Variants in PTPRQ observed in about 807,000 individuals in gnomAD.
PTPRQ encodes protein tyrosine phosphatase receptor type Q.
PTPRQ carries 199 observed loss-of-function variants against 246.0 expected under a neutral mutation model. The ratio of observed to expected loss-of-function variants is 0.81; its 90% confidence interval spans 0.72 to 0.91. The LOEUF is 0.91. Among genes scored for constraint, PTPRQ ranks in the 40% least tolerant of loss-of-function variants. The pLI is 0.00. For synonymous variants in PTPRQ, 869 were observed against 853.2 expected (o/e 1.02, Z -0.32); for missense variants, 2,624 against 2,528.4 (o/e 1.04, Z -0.81).
At chr12:80,611,616 A>G (rs997458831) in intron 28 of PTPRQ, among the ~76,000 whole-genome samples, 16 of 150,366 alleles carry the variant, frequency 1.1e-4, no homozygotes, top group African/African-American at 3.9e-4. Flanking sequence ...ACCATAAAGC[A>G]TTGTTTGTCA....
At chr12:80,510,758 T>G (rs1176049149) in intron 17 of PTPRQ, among the ~76,000 whole-genome samples, 1 of 152,176 alleles carries the variant, frequency 6.6e-6, no homozygotes, top group Non-Finnish European at 1.5e-5. Flanking sequence ...TCTGAAGTTT[T>G]ACACAAGTAC....
chr12:80,669,024 T>G lies in PTPRQ; in HGVS notation c.6210T>G (p.Asn2070Lys). ...ASYISGYLCP[N>K]EFIATQGPLP... Reference sequence around the variant, plus strand: ...CCTTCTAGGGTTATTTATGTCCAAATGAATTTATTGCTACTCAAGGTCCAC... The same window carrying G: ...CCTTCTAGGGTTATTTATGTCCAAAGGAATTTATTGCTACTCAAGGTCCAC... The change falls in exon 40 of 45, where the codon AAT (asparagine) becomes AAG (lysine). Residue 2070 changes from asparagine (N) to lysine (K), a missense_variant. Asn to Lys is a moderately conservative substitution (Grantham distance 94). Coordinates refer to ENST00000644991, the MANE Select transcript of PTPRQ (RefSeq NM_001145026.2). The G allele has an allele frequency of 6.5e-7, 1 of 1,549,868 alleles. No individual in the cohort carries two copies. The highest frequency in any genetic ancestry group is 8.7e-7 in the Non-Finnish European group (1 of 1,145,772).
At chr12:80,667,681 C>A (rs1216860481) in intron 39 of PTPRQ, among the ~76,000 whole-genome samples, 2 of 151,942 alleles carry the variant, frequency 1.3e-5, no homozygotes, top group Non-Finnish European at 2.9e-5. Context: ...TTTAAAAAAT[C>A]TGTAAAGAAA....
At chr12:80,537,827 G>A (rs1463141159) in intron 19 of PTPRQ, among the ~76,000 whole-genome samples, 1 of 152,080 alleles carries the variant, frequency 6.6e-6, no homozygotes, top group African/African-American at 2.4e-5. Context: ...AGTGTTAAAT[G>A]GGCCGGGTGT....
intron 25 of PTPRQ, among the ~76,000 whole-genome samples, chr12:80,553,700 CT>C (rs1386910658): frequency 6.6e-6 from 1 of 152,030 alleles, no homozygotes; most frequent in Non-Finnish European, 1.5e-5. Context: ...AGCTGGTTCC[CT>C]TGTCACAGTC....
chr12:80,657,167 CT>C (rs980313123), intron 38 of PTPRQ, among the ~76,000 whole-genome samples: 1 of 151,532 alleles, frequency 6.6e-6, no homozygotes, highest in East Asian at 1.9e-4. Flanking sequence ...TTTTAACATA[CT>C]TTTTTTAAAT....
intron 42 of PTPRQ, among the ~76,000 whole-genome samples, chr12:80,671,797 AGAAGCCCTGG>A (rs1900979020): frequency 6.6e-6 from 1 of 152,078 alleles, no homozygotes; most frequent in South Asian, 2.1e-4. Context: ...TGTTTGAGCC[AGAAGCCCTGG>A]AGTCATCCTT....
chr12:80,605,997 C>T (rs1257355674), intron 27 of PTPRQ, among the ~76,000 whole-genome samples: 6 of 150,864 alleles, frequency 4.0e-5, no homozygotes, highest in Non-Finnish European at 5.9e-5. Context: ...AGCAAGAGAA[C>T]GAATGAAAAA....
In PTPRQ at chr12:80,605,071, C is replaced by T; in HGVS notation, c.4622C>T (p.Pro1541Leu). 2 of 1,541,108 alleles carry T rather than the reference C, an allele frequency of 1.3e-6. No individual in the cohort carries two copies. Among genetic ancestry groups the T allele is most frequent in the South Asian group, 2.4e-5 (2 of 82,404 alleles). Residue 1541 changes from proline (P) to leucine (L), a missense_variant, in exon 27 of 45, where the codon CCT becomes CTT. Pro to Leu is a moderately conservative substitution (Grantham distance 98, BLOSUM62 -3). Coordinates refer to ENST00000644991, the MANE Select transcript of PTPRQ (RefSeq NM_001145026.2). The part of the protein sequence containing the change: ...TKTLPGPPDG[P>L]PENVHVVATS... ...TCTATTGTCATAGCTCCAGATGGTC[C>T]TCCTGAAAATGTTCATGTAGTAGCA...
chr12:80,451,189 A>T (rs1277517462), intron 3 of PTPRQ, among the ~76,000 whole-genome samples: 3 of 151,316 alleles, frequency 2.0e-5, no homozygotes, highest in Non-Finnish European at 4.4e-5. Flanking sequence ...GTATTCTCTG[A>T]TGGTAGTTTG....
chr12:80,484,953 A>G (rs1315136691), intron 9 of PTPRQ, among the ~76,000 whole-genome samples: 1 of 152,140 alleles, frequency 6.6e-6, no homozygotes, highest in Non-Finnish European at 1.5e-5. Flanking sequence ...CTGTGCTTGC[A>G]ATTTGGAACA....
intron 41 of PTPRQ, among the ~76,000 whole-genome samples, 157 bp from the exon 42 acceptor site, chr12:80,670,187 T>C (rs1195910408): frequency 1.3e-5 from 2 of 152,122 alleles, no homozygotes; most frequent in African/African-American, 4.8e-5. Context: ...ATTGTAACAA[T>C]AAAAATCTCT....
At chr12:80,446,113 T>C (rs1321679100) in intron 3 of PTPRQ, among the ~76,000 whole-genome samples, 1 of 151,798 alleles carries the variant, frequency 6.6e-6, no homozygotes, top group Non-Finnish European at 1.5e-5. Context: ...TTATTAAAAA[T>C]TGACTTGCAA....
chr12:80,506,596 T>C lies in PTPRQ; in HGVS notation c.2483T>C (p.Ile828Thr). The change falls in exon 16 of 45, where the codon ATT (isoleucine) becomes ACT (threonine). Residue 828 changes from isoleucine to threonine, a missense_variant. Coordinates refer to ENST00000644991, the MANE Select transcript of PTPRQ (RefSeq NM_001145026.2). ...KVLKKYTQYI[I>T]EVSASTLKGE... The stretch of plus-strand genomic sequence containing the variant: ...CTGAAGAAATATACCCAATATATCA[T>C]TGAGGTGTCTGCTAGTACACTCAAA... 6.5e-7 allele frequency: 1 copy of C among 1,539,470 alleles called. No homozygotes were observed. The highest frequency in any genetic ancestry group is 8.8e-7 in the Non-Finnish European group (1 of 1,137,928).
chr12:80,672,309 A>T (rs1431649029), intron 42 of PTPRQ, among the ~76,000 whole-genome samples: 1 of 149,668 alleles, frequency 6.7e-6, no homozygotes, highest in Non-Finnish European at 1.5e-5. Flanking sequence ...GCTGTGTGGC[A>T]TGTATATATA....
intron 25 of PTPRQ, among the ~76,000 whole-genome samples, chr12:80,578,687 C>T (rs1322075096): frequency 6.6e-6 from 1 of 152,054 alleles, no homozygotes; most frequent in African/African-American, 2.4e-5. Context: ...GCCACCGCAC[C>T]CGGCCAAGAA....
intron 37 of PTPRQ, among the ~76,000 whole-genome samples, chr12:80,651,189 T>A (rs1172440988): frequency 6.6e-6 from 1 of 152,044 alleles, no homozygotes; most frequent in Non-Finnish European, 1.5e-5. Flanking sequence ...TATAAAATGA[T>A]TGAATATAAG....
At chr12:80,631,650 C>T (rs946638973) in intron 33 of PTPRQ, among the ~76,000 whole-genome samples, 4 of 152,104 alleles carry the variant, frequency 2.6e-5, no homozygotes, top group Admixed American at 6.6e-5. Context: ...GTGAAAATTA[C>T]AAATATGTTG....
chr12:80,493,480 A>G (rs1424635668), intron 10 of PTPRQ, 25 bp downstream of exon 10: 4 of 1,541,518 alleles, frequency 2.6e-6, no homozygotes, highest in Admixed American at 2.0e-5. Context: ...GATTTTCTAT[A>G]AAGTTCATTT....
Sources: allele counts gnomAD v4.1 joint callset (sites outside exome capture counted in the v4.1 genomes callset), GRCh38; gene constraint gnomAD v4.1.1; transcripts MANE v1.5; gene names NCBI Gene and HGNC (gene_info 2026-07-23, HGNC 2026-07-21).